Variants in PLIN3 observed in about 807,000 individuals in gnomAD.
The protein encoded by PLIN3 is perilipin-3.
PLIN3 carries 30 observed loss-of-function variants against 35.9 expected under a neutral mutation model. The observed-to-expected ratio is 0.84, with a 90% CI of 0.62 to 1.13. The LOEUF (loss-of-function observed/expected upper bound fraction) is 1.13. Ranked by LOEUF, PLIN3 falls within the 50% of genes most tolerant of loss-of-function variation. The pLI is 0.00. For synonymous variants in PLIN3, 261 were observed against 262.5 expected (o/e 0.99, Z 0.06); for missense variants, 603 against 596.9 (o/e 1.01, Z -0.11).
At chr19:4,846,129 G>A (rs1249582023) in intron 6 of PLIN3, among the ~76,000 whole-genome samples, 1 of 151,802 alleles carries the variant, frequency 6.6e-6, no homozygotes, top group Non-Finnish European at 1.5e-5. Context: ...AGAAGGCTGA[G>A]GCAGGAGAAT....
chr19:4,857,373 C>T (rs563613387), intron 4 of PLIN3, among the ~76,000 whole-genome samples: 1 of 151,702 alleles, frequency 6.6e-6, no homozygotes, highest in Non-Finnish European at 1.5e-5. Context: ...AGTCTGAGAA[C>T]AGCCTGGGCA....
At chr19:4,863,094 T>C (rs898576637) in intron 1 of PLIN3, among the ~76,000 whole-genome samples, 1 of 151,302 alleles carries the variant, frequency 6.6e-6, no homozygotes, top group African/African-American at 2.4e-5. Flanking sequence ...GAGGCGGAGG[T>C]TGCAGTGAGG....
Position 4,838,582 on chromosome 19 carries a change from CTTTTTTT to C in PLIN3, c.*603_*609del. ...TGAACTATATCCCTGATTTTTTTTT[CTTTTTTT>C]TTTTTTTTGAGACTAAGTCTCACTC... On this transcript the variant is annotated 3_prime_UTR_variant, in exon 8 of 8. Transcript: ENST00000221957. The C allele has an allele frequency of 9.1e-6, 1 of 109,412 alleles. No homozygotes were observed. Among genetic ancestry groups the C allele is most frequent in the East Asian group, 4.3e-4 (1 of 2,308 alleles). 6.8% of individuals were successfully genotyped at this position (109,412 alleles called of 1,614,324 possible). A position where few individuals can be genotyped will look rare whatever the true frequency, so the allele number is the denominator to read the frequency against.
chr19:4,854,422 T>TTA (rs397825689), intron 4 of PLIN3, among the ~76,000 whole-genome samples: 9 of 150,620 alleles, frequency 6.0e-5, no homozygotes, highest in Non-Finnish European at 1.2e-4. Context: ...TGTTTTTTTT[T>TTA]ACAGAGTTTT....
chr19:4,864,747 C>T (rs947452213), intron 1 of PLIN3, among the ~76,000 whole-genome samples: 1 of 152,142 alleles, frequency 6.6e-6, no homozygotes, highest in Non-Finnish European at 1.5e-5. Context: ...GAAGCCACAA[C>T]TCCCTTTTCC....
chr19:4,848,966 C>G (rs1285854471), intron 5 of PLIN3, among the ~76,000 whole-genome samples: 1 of 151,986 alleles, frequency 6.6e-6, no homozygotes, highest in African/African-American at 2.4e-5. Flanking sequence ...TTTTCCTGTA[C>G]TTTTTCTTCT....
chr19:4,844,861 C>T, intron 6 of PLIN3, 68 bp from the exon 7 acceptor site: 1 of 1,469,884 alleles, frequency 6.8e-7, no homozygotes, highest in Non-Finnish European at 9.1e-7. Flanking sequence ...CAGAAGGAAC[C>T]CAAGGAATCC....
intron 1 of PLIN3, among the ~76,000 whole-genome samples, chr19:4,864,193 T>C (rs1348377211): frequency 6.8e-6 from 1 of 148,078 alleles, no homozygotes; most frequent in Admixed American, 6.8e-5. Context: ...TGCTCTGTCA[T>C]CCAGGCTGGG....
intron 2 of PLIN3, among the ~76,000 whole-genome samples, chr19:4,860,252 G>A (rs2030629499): frequency 6.6e-6 from 1 of 152,032 alleles, no homozygotes; most frequent in South Asian, 2.1e-4. Flanking sequence ...TGTTGCCCGG[G>A]CTGGAGTGCA....
At chr19:4,844,878 C>T in intron 6 of PLIN3, 85 bp from the exon 7 acceptor site, 1 of 1,417,284 alleles carries the variant, frequency 7.1e-7, no homozygotes, top group Non-Finnish European at 9.4e-7. Flanking sequence ...ATCCTTCCAG[C>T]ATCTGACTTA....
chr19:4,866,361 G>A (rs1488775704), intron 1 of PLIN3, among the ~76,000 whole-genome samples: 1 of 152,164 alleles, frequency 6.6e-6, no homozygotes, highest in Non-Finnish European at 1.5e-5. Flanking sequence ...CTAGGAATAG[G>A]AGTTTGGGAA....
chr19:4,860,369 AT>A (rs1158170879), intron 2 of PLIN3, among the ~76,000 whole-genome samples: 11 of 151,464 alleles, frequency 7.3e-5, no homozygotes, highest in Admixed American at 5.9e-4. Flanking sequence ...CGCCCAGCTA[AT>A]TTTTTTGTAT....
chr19:4,851,743 A>C (rs539710345), intron 5 of PLIN3, among the ~76,000 whole-genome samples: 2 of 152,104 alleles, frequency 1.3e-5, no homozygotes, highest in African/African-American at 2.4e-5. Context: ...GGTGGGGTCC[A>C]TGGAGGGCTG....
At chr19:4,842,959 G>A (rs865818136) in intron 7 of PLIN3, among the ~76,000 whole-genome samples, 3 of 152,116 alleles carry the variant, frequency 2.0e-5, no homozygotes, top group South Asian at 2.1e-4. Context: ...GGTGGCTCAC[G>A]CCTGTAATAC....
chr19:4,850,182 C>T (rs1035419162), intron 5 of PLIN3, among the ~76,000 whole-genome samples: 1 of 151,696 alleles, frequency 6.6e-6, no homozygotes, highest in Non-Finnish European at 1.5e-5. Context: ...CCGACCTCAA[C>T]CTCCACCCGC....
intron 5 of PLIN3, 133 bp from the exon 6 acceptor site, chr19:4,848,023 G>A (rs866056318): frequency 2.8e-5 from 20 of 725,378 alleles, no homozygotes; most frequent in African/African-American, 1.6e-4. Context: ...TCGCTCTGTC[G>A]CCCAGGTTGG....
At chr19:4,851,638 C>T (rs959657665) in intron 5 of PLIN3, among the ~76,000 whole-genome samples, 1 of 151,436 alleles carries the variant, frequency 6.6e-6, no homozygotes, top group African/African-American at 2.4e-5. Flanking sequence ...AGCGGAGTGG[C>T]GAAGGGGGAA....
chr19:4,861,937 CTTT>C (rs557508442), intron 1 of PLIN3, among the ~76,000 whole-genome samples: 8 of 142,594 alleles, frequency 5.6e-5, no homozygotes, highest in African/African-American at 1.8e-4. Context: ...CTGATCCTTT[CTTT>C]TTTTTTTTTC....
intron 6 of PLIN3, among the ~76,000 whole-genome samples, chr19:4,847,490 C>A (rs2030139542): frequency 6.6e-6 from 1 of 152,076 alleles, no homozygotes; most frequent in Non-Finnish European, 1.5e-5. Context: ...GAGGTGTGAG[C>A]CACTGTGCCC....
Sources: allele counts gnomAD v4.1 joint callset (sites outside exome capture counted in the v4.1 genomes callset), GRCh38; gene constraint gnomAD v4.1.1; transcripts MANE v1.5; gene names NCBI Gene and HGNC (gene_info 2026-07-23, HGNC 2026-07-21).